GAREM1: variants seen among roughly 807,000 people sequenced by gnomAD.
The protein encoded by GAREM1 is GRB2 associated regulator of MAPK1 subtype 1.
GAREM1 carries 26 observed loss-of-function variants against 71.3 expected under a neutral mutation model. The observed-to-expected ratio is 0.36, with a 90% CI of 0.27 to 0.51. GAREM1 has a LOEUF of 0.51. Ranked by LOEUF, GAREM1 falls within the 20% of genes least tolerant of loss-of-function variation. The probability of loss-of-function intolerance (pLI) is 0.95; values close to 1 mark genes in which losing one functional copy is unlikely to be tolerated. For missense variants in GAREM1, 1,026 were observed against 1,103.1 expected, an observed-to-expected ratio of 0.93 and a Z score of 0.99; for synonymous variants, 440 against 433.2, an observed-to-expected ratio of 1.02 and a Z score of -0.20.
intron 4 of GAREM1, among the ~76,000 whole-genome samples, chr18:32,281,902 G>A (rs1490147934): frequency 1.3e-5 from 2 of 152,140 alleles, no homozygotes; most frequent in Non-Finnish European, 2.9e-5. Context: ...CTTAACTGAT[G>A]ACATTCCACC....
intron 1 of GAREM1, among the ~76,000 whole-genome samples, chr18:32,421,299 C>G (rs1476200755): frequency 2.0e-5 from 3 of 152,150 alleles, no homozygotes; most frequent in East Asian, 3.9e-4. Context: ...CAAAGCTTGG[C>G]TAAAATGATT....
At chr18:32,436,646 C>A (rs2048682137) in intron 1 of GAREM1, among the ~76,000 whole-genome samples, 1 of 152,126 alleles carries the variant, frequency 6.6e-6, no homozygotes, top group Admixed American at 6.6e-5. Context: ...AGCATATCAC[C>A]TTATTTGTAC....
intron 2 of GAREM1, among the ~76,000 whole-genome samples, chr18:32,349,581 T>TA (rs531676232): frequency 7.6e-4 from 116 of 152,264 alleles, no homozygotes; most frequent in African/African-American, 2.6e-3. Context: ...AAAGGAAATT[T>TA]AAAAAATCAA....
chr18:32,289,294 T>A (rs2047056021), intron 3 of GAREM1, among the ~76,000 whole-genome samples: 1 of 152,180 alleles, frequency 6.6e-6, no homozygotes, highest in South Asian at 2.1e-4. Flanking sequence ...TGTGTTTTCA[T>A]CAATGTTATA....
intron 1 of GAREM1, among the ~76,000 whole-genome samples, chr18:32,446,224 G>GTA (rs2048784683): frequency 1.3e-5 from 1 of 77,386 alleles, no homozygotes; most frequent in African/African-American, 8.3e-5. Context: ...GTTCCCCATA[G>GTA]TGTGTGTGTG....
intron 1 of GAREM1, among the ~76,000 whole-genome samples, chr18:32,427,045 A>G (rs1303607443): frequency 6.6e-6 from 1 of 151,900 alleles, no homozygotes; most frequent in Non-Finnish European, 1.5e-5. Context: ...GTTTTTTGAG[A>G]CCTAATAAAT....
intron 1 of GAREM1, among the ~76,000 whole-genome samples, chr18:32,434,321 T>C (rs1400694926): frequency 2.0e-5 from 3 of 152,162 alleles, no homozygotes; most frequent in Non-Finnish European, 2.9e-5. Context: ...TGTTATTAGA[T>C]ATACATATAT....
At chr18:32,453,167 A>G (rs766706072) in intron 1 of GAREM1, among the ~76,000 whole-genome samples, 1 of 152,068 alleles carries the variant, frequency 6.6e-6, no homozygotes, top group Non-Finnish European at 1.5e-5. Flanking sequence ...GAACCAAGCA[A>G]AAGGGGAAAC....
chr18:32,355,541 T>A (rs184403817), intron 2 of GAREM1, among the ~76,000 whole-genome samples: 1 of 152,294 alleles, frequency 6.6e-6, no homozygotes, highest in African/African-American at 2.4e-5. Flanking sequence ...GTTTCATCAC[T>A]AAAAAGAGTG....
chr18:32,344,023 G>A (rs1356533874), intron 2 of GAREM1, among the ~76,000 whole-genome samples: 1 of 152,130 alleles, frequency 6.6e-6, no homozygotes, highest in African/African-American at 2.4e-5. Flanking sequence ...CCAAGGCTCA[G>A]ATCTCCAGGG....
chr18:32,320,110 C>T (rs561099940), intron 2 of GAREM1, among the ~76,000 whole-genome samples: 1 of 152,296 alleles, frequency 6.6e-6, no homozygotes, highest in South Asian at 2.1e-4. Flanking sequence ...TGTCCACTTA[C>T]ATTCTTACAA....
At chr18:32,462,231 C>A (rs1401793147) in intron 1 of GAREM1, among the ~76,000 whole-genome samples, 3 of 152,202 alleles carry the variant, frequency 2.0e-5, no homozygotes, top group African/African-American at 7.2e-5. Flanking sequence ...GAAATTTACA[C>A]TCTTACATTC....
intron 2 of GAREM1, among the ~76,000 whole-genome samples, chr18:32,329,703 TA>T (rs756082703): frequency 0.011 from 870 of 78,146 alleles, 17 homozygotes; most frequent in East Asian, 0.1. Flanking sequence ...GAGACTCCAT[TA>T]AAAAAAAAAA....
chr18:32,328,844 T>C (rs1489463839), intron 2 of GAREM1, among the ~76,000 whole-genome samples: 1 of 152,166 alleles, frequency 6.6e-6, no homozygotes, highest in African/African-American at 2.4e-5. Flanking sequence ...CAATTAAGGA[T>C]ACTATGGGAA....
intron 2 of GAREM1, among the ~76,000 whole-genome samples, chr18:32,376,925 T>C (rs2048035820): frequency 6.6e-6 from 1 of 152,176 alleles, no homozygotes; most frequent in African/African-American, 2.4e-5. Flanking sequence ...GCAGGACACT[T>C]ACATGATGTT....
At chr18:32,305,577 T>G (rs1029807239) in intron 3 of GAREM1, among the ~76,000 whole-genome samples, 4 of 152,202 alleles carry the variant, frequency 2.6e-5, no homozygotes, top group Admixed American at 2.0e-4. Context: ...TGGAGTACAG[T>G]GGCGCGATCT....
At chr18:32,359,398 C>T (rs8085211) in intron 2 of GAREM1, among the ~76,000 whole-genome samples, 16,120 of 152,146 alleles carry the variant, frequency 0.11, 950 homozygotes, top group African/African-American at 0.15. Flanking sequence ...CACATTCTCC[C>T]TCCCCGATCC....
intron 1 of GAREM1, among the ~76,000 whole-genome samples, chr18:32,397,918 A>G (rs1599018710): frequency 6.6e-6 from 1 of 152,222 alleles, no homozygotes; most frequent in Non-Finnish European, 1.5e-5. Flanking sequence ...TTGGAAGTGA[A>G]GCACTCCTCA....
chr18:32,398,749 C>G (rs1160789798), intron 1 of GAREM1, among the ~76,000 whole-genome samples: 3 of 152,098 alleles, frequency 2.0e-5, no homozygotes, highest in Admixed American at 2.0e-4. Context: ...CAAGGAGGAG[C>G]TGGTACCATT....
Sources: gnomAD v4.1 joint callset for allele counts (sites outside exome capture counted in the v4.1 genomes callset) on GRCh38, gnomAD v4.1.1 for gene constraint, MANE v1.5 for transcripts, NCBI Gene and HGNC (gene_info 2026-07-23, HGNC 2026-07-21) for gene names.